The following MYT1L variants were observed in gnomAD, a reference collection of about 807,000 sequenced individuals.
The protein encoded by MYT1L is myelin transcription factor 1 like.
Under a neutral mutation model 126.7 loss-of-function variants are expected in MYT1L, and 12 were observed. That is an observed-to-expected ratio of 0.09 (90% CI 0.06 to 0.15). The LOEUF is 0.15. Among genes scored for constraint, MYT1L ranks in the 10% least tolerant of loss-of-function variants. The pLI is 1.00. For synonymous variants in MYT1L, 541 were observed against 604.2 expected, an observed-to-expected ratio of 0.90 and a Z score of 1.53; for missense variants, 979 against 1,585.2, an observed-to-expected ratio of 0.62 and a Z score of 6.49.
At chr2:2,061,879 G>C (rs940015543) in intron 3 of MYT1L, among the ~76,000 whole-genome samples, 7 of 152,192 alleles carry the variant, frequency 4.6e-5, no homozygotes, top group Non-Finnish European at 5.9e-5. Flanking sequence ...CTACATGGCT[G>C]ATTATGAAAA....
chr2:2,109,513 G>A (rs928148502), intron 3 of MYT1L, among the ~76,000 whole-genome samples: 5 of 152,126 alleles, frequency 3.3e-5, no homozygotes, highest in African/African-American at 1.2e-4. Context: ...CAAAGAGAAA[G>A]AGGCTGCAGA....
intron 21 of MYT1L, among the ~76,000 whole-genome samples, chr2:1,826,513 C>T (rs1028884743): frequency 6.6e-6 from 1 of 152,222 alleles, no homozygotes; most frequent in Non-Finnish European, 1.5e-5. Context: ...CCTCTCCCTG[C>T]TGCTATTCAC....
chr2:2,030,963 T>A (rs1381212554), intron 4 of MYT1L, among the ~76,000 whole-genome samples: 1 of 152,222 alleles, frequency 6.6e-6, no homozygotes, highest in Non-Finnish European at 1.5e-5. Flanking sequence ...TAGTTTCTGG[T>A]TTCTCACATT....
At position 2,292,627 on chromosome 2, in the gene MYT1L, T is replaced by C. The variant is rs1278182891; in HGVS notation, c.-520-8124A>G. Among the ~76,000 whole-genome samples, 3 of 152,132 alleles carry C rather than the reference T, an allele frequency of 2.0e-5. 1 individual carries two copies. Among genetic ancestry groups the C allele is most frequent in the African/African-American group, 7.2e-5 (3 of 41,448 alleles). Reference sequence around the variant, plus strand: ...GGACAGGTGCACAGACATAGCCGTCTGTGTGGCCCTCAGGGTCCCAGCCTC... The same window carrying C: ...GGACAGGTGCACAGACATAGCCGTCCGTGTGGCCCTCAGGGTCCCAGCCTC... On this transcript the variant is annotated intron_variant, in intron 1 of 24. Coordinates refer to ENST00000647738, the MANE Select transcript of MYT1L (RefSeq NM_001303052.2).
intron 18 of MYT1L, 73 bp downstream of exon 18, chr2:1,886,466 G>A: frequency 8.8e-7 from 1 of 1,134,010 alleles, no homozygotes; most frequent in Non-Finnish European, 1.2e-6. Flanking sequence ...CTTTGCAAAT[G>A]ACATATCATT....
chr2:2,210,106 C>T (rs764405384), intron 2 of MYT1L, among the ~76,000 whole-genome samples: 2 of 152,142 alleles, frequency 1.3e-5, no homozygotes, highest in African/African-American at 4.8e-5. Context: ...TGAGAGACGT[C>T]CATTCAGATC....
At chr2:2,146,122 C>T (rs1215306134) in intron 3 of MYT1L, among the ~76,000 whole-genome samples, 1 of 152,186 alleles carries the variant, frequency 6.6e-6, no homozygotes, top group Non-Finnish European at 1.5e-5. Context: ...GTACATAAAT[C>T]TGTAACAGTA....
chr2:2,015,083 G>A (rs960132539), intron 4 of MYT1L, among the ~76,000 whole-genome samples: 6 of 152,200 alleles, frequency 3.9e-5, no homozygotes, highest in African/African-American at 1.4e-4. Context: ...GCTGGCACTT[G>A]TATCCATAGA....
chr2:2,060,505 A>G (rs1045666706), intron 3 of MYT1L, among the ~76,000 whole-genome samples: 1 of 152,226 alleles, frequency 6.6e-6, no homozygotes, highest in African/African-American at 2.4e-5. Context: ...GACAGATTAT[A>G]TATTAAGAGA....
intron 4 of MYT1L, among the ~76,000 whole-genome samples, chr2:2,009,903 T>G (rs1455398059): frequency 6.7e-6 from 1 of 149,406 alleles, no homozygotes; most frequent in Non-Finnish European, 1.5e-5. Context: ...TAAGAGTTTT[T>G]TTTTTTTTTT....
Position 1,867,436 on chromosome 2 carries a change from C to T in MYT1L, c.2712-15733G>A, listed in dbSNP as rs566871892. 4.1e-4 allele frequency among the ~76,000 whole-genome samples: 62 copies of T among 152,296 alleles called. No homozygotes were observed. The South Asian group carries it at 4.1e-3, about 10-fold the overall frequency. Reference sequence around the variant, plus strand: ...CTCGTCCCTGGAGGTTGGGTTCAGACGTCTGGCAGGTTTTCCTGCACTACT... The same window carrying T: ...CTCGTCCCTGGAGGTTGGGTTCAGATGTCTGGCAGGTTTTCCTGCACTACT... On this transcript the variant is annotated intron_variant, in intron 18 of 24. Transcript: ENST00000647738.
intron 21 of MYT1L, among the ~76,000 whole-genome samples, chr2:1,838,848 T>C (rs1156922446): frequency 6.6e-6 from 1 of 152,190 alleles, no homozygotes; most frequent in Non-Finnish European, 1.5e-5. Context: ...AAGACCCTCA[T>C]GTGCATGTCT....
intron 4 of MYT1L, among the ~76,000 whole-genome samples, chr2:2,027,972 T>C (rs112041397): frequency 6.6e-6 from 1 of 152,256 alleles, no homozygotes; most frequent in Admixed American, 6.5e-5. Context: ...TTGTTTCTGC[T>C]TGGATGCTTC....
intron 1 of MYT1L, among the ~76,000 whole-genome samples, chr2:2,292,971 T>C (rs1383491616): frequency 6.6e-6 from 1 of 152,082 alleles, no homozygotes; most frequent in Non-Finnish European, 1.5e-5. Flanking sequence ...AAAAGAACAT[T>C]TTCCTCTGTC....
intron 4 of MYT1L, among the ~76,000 whole-genome samples, chr2:2,001,907 TG>T (rs957364283): frequency 2.0e-5 from 3 of 152,082 alleles, no homozygotes; most frequent in East Asian, 3.9e-4. Context: ...TGCTCAGAGG[TG>T]GGGGGGTCAC....
At position 1,852,523 on chromosome 2, in the gene MYT1L, A is replaced by G. The variant is rs4853829; in HGVS notation, c.2712-820T>C. ...GAGCTTTATAATTATATTGCCCTCC[A>G]TATAACTTCTTAACTATGCTGTCTC... On this transcript the variant is annotated intron_variant, in intron 18 of 24. Coordinates refer to ENST00000647738, the MANE Select transcript of MYT1L (RefSeq NM_001303052.2). This position sits in a 1 kb window ranked among gnomAD's most constrained non-coding sequence, Gnocchi z 4.0. Among the ~76,000 whole-genome samples, 70,952 of 151,998 alleles carry G rather than the reference A, an allele frequency of 0.47. 17,448 individuals are homozygous for G. Among genetic ancestry groups the G allele is most frequent in the Middle Eastern group, 0.67 (196 of 294 alleles).
At chr2:2,216,063 CT>C (rs1180858714) in intron 2 of MYT1L, among the ~76,000 whole-genome samples, 19 of 93,778 alleles carry the variant, frequency 2.0e-4, no homozygotes, top group Non-Finnish European at 3.3e-4. Context: ...CTCTCTCTCT[CT>C]CAGTTCCACG....
chr2:2,227,710 C>T (rs894502128), intron 2 of MYT1L, among the ~76,000 whole-genome samples: 1 of 152,174 alleles, frequency 6.6e-6, no homozygotes. Context: ...ATGTTCACTA[C>T]CATTGTTTTA....
intron 3 of MYT1L, among the ~76,000 whole-genome samples, chr2:2,104,172 C>G (rs1264452979): frequency 6.6e-6 from 1 of 152,166 alleles, no homozygotes. Flanking sequence ...GAAATAGGTA[C>G]TAGGCAGCTG....
Sources: gnomAD v4.1 joint callset for allele counts (sites outside exome capture counted in the v4.1 genomes callset) on GRCh38, gnomAD v4.1.1 for gene constraint, Gnocchi (gnomAD v3.1) non-coding constraint, MANE v1.5 for transcripts, NCBI Gene and HGNC (gene_info 2026-07-23, HGNC 2026-07-21) for gene names.